The following MAP3K9 variants were observed in gnomAD, a reference collection of about 807,000 sequenced individuals.
MAP3K9 encodes mixed lineage kinase 1 (tyr and ser/thr specificity).
Under a neutral mutation model 95.8 loss-of-function variants are expected in MAP3K9, and 46 were observed. The ratio of observed to expected loss-of-function variants is 0.48; its 90% CI spans 0.38 to 0.61. The LOEUF (loss-of-function observed/expected upper bound fraction) is 0.61, where lower values mean the gene tolerates loss of function less well. Ranked by LOEUF, MAP3K9 falls within the 20% of genes least tolerant of loss-of-function variation. The pLI is 0.00. For missense variants in MAP3K9, 1,296 were observed against 1,474.3 expected (o/e 0.88, Z 1.98); for synonymous variants, 533 against 593.8 (o/e 0.90, Z 1.49).
intron 2 of MAP3K9, among the ~76,000 whole-genome samples, chr14:70,791,049 C>T (rs1489642353): frequency 6.6e-6 from 1 of 152,166 alleles, no homozygotes; most frequent in Non-Finnish European, 1.5e-5. Flanking sequence ...GTGGTCAATA[C>T]CTAGCTCTTA....
chr14:70,792,930 G>C (rs948116744), intron 2 of MAP3K9, among the ~76,000 whole-genome samples: 1 of 152,226 alleles, frequency 6.6e-6, no homozygotes, highest in African/African-American at 2.4e-5. Flanking sequence ...TCCTGACCTT[G>C]TGAACTCCAA....
intron 2 of MAP3K9, among the ~76,000 whole-genome samples, chr14:70,771,330 G>A (rs918037095): frequency 2.6e-5 from 4 of 152,044 alleles, no homozygotes; most frequent in Non-Finnish European, 4.4e-5. Flanking sequence ...TCCTACAAAG[G>A]AAACTTTTCA....
chr14:70,766,272 A>T (rs2054454344), intron 2 of MAP3K9, among the ~76,000 whole-genome samples: 1 of 152,216 alleles, frequency 6.6e-6, no homozygotes, highest in South Asian at 2.1e-4. Context: ...GTGACCCTGG[A>T]CAAATCTCTT....
intron 1 of MAP3K9, among the ~76,000 whole-genome samples, chr14:70,803,414 A>G (rs1164859805): frequency 6.7e-6 from 1 of 149,036 alleles, no homozygotes; most frequent in Admixed American, 6.7e-5. Context: ...ATCACACTTC[A>G]CTGAAAAAAA....
chr14:70,792,132 C>T (rs946791135), intron 2 of MAP3K9, among the ~76,000 whole-genome samples: 2 of 152,232 alleles, frequency 1.3e-5, no homozygotes, highest in Non-Finnish European at 2.9e-5. Context: ...GAACATATCT[C>T]TGTATTCATA....
chr14:70,733,634 T>A, intron 10 of MAP3K9: 1 of 681,516 alleles, frequency 1.5e-6, no homozygotes, highest in Admixed American at 2.2e-5. Flanking sequence ...GACTTGGGTA[T>A]CCACTTGACT....
intron 3 of MAP3K9, among the ~76,000 whole-genome samples, chr14:70,751,833 G>C (rs1245371753): frequency 6.6e-6 from 1 of 152,150 alleles, no homozygotes; most frequent in Non-Finnish European, 1.5e-5. Context: ...AATTCTGATA[G>C]GTATTATCAA....
chr14:70,725,533 G>A lies in MAP3K9; in HGVS notation c.*4847C>T, dbSNP rs2053809080. ...TGCCTTCCAACACCAGCACCTGAGT[G>A]GTGAGCACCCACCCAGGTAGCAATG... On this transcript the variant is annotated 3_prime_UTR_variant, in exon 12 of 12. Coordinates refer to ENST00000554752, the MANE Select transcript of MAP3K9 (RefSeq NM_001284230.2). The A allele has an allele frequency of 6.6e-6, 1 of 152,182 alleles. No individual in the cohort carries two copies. Among genetic ancestry groups the A allele is most frequent in the South Asian group, 2.1e-4 (1 of 4,824 alleles). 9.4% of individuals were successfully genotyped at this position (152,182 alleles called of 1,614,324 possible). A position where few individuals can be genotyped will look rare whatever the true frequency, so the allele number is the denominator to read the frequency against.
At chr14:70,740,840 T>C (rs1349399988) in intron 6 of MAP3K9, among the ~76,000 whole-genome samples, 1 of 152,252 alleles carries the variant, frequency 6.6e-6, no homozygotes, top group Non-Finnish European at 1.5e-5. Context: ...GTGGGAACTA[T>C]AGCTTTTCTA....
Position 70,726,952 on chromosome 14 carries a change from C to T in MAP3K9, c.*3428G>A, listed in dbSNP as rs1379213341. 1 of 152,232 alleles carries T rather than the reference C, an allele frequency of 6.6e-6. No homozygotes were observed. Among genetic ancestry groups the T allele is most frequent in the Non-Finnish European group, 1.5e-5 (1 of 68,062 alleles). The allele number at this position is 152,232 out of a possible 1,614,324, so 9.4% of individuals were successfully genotyped here. A position where few individuals can be genotyped will look rare whatever the true frequency, so the allele number is the denominator to read the frequency against. ...GGGGCTAAAGAGACAAGCCTATGGC[C>T]ACACAGCAAAAGCAGAATGGGGAAT... On this transcript the variant is annotated 3_prime_UTR_variant, in exon 12 of 12. Transcript: ENST00000554752.
Position 70,800,730 on chromosome 14 carries a change from T to C in MAP3K9, c.757A>G (p.Met253Val). ...VNWAVQIARGMNYLHDEAIVP... is the reference protein window; with the variant it reads ...VNWAVQIARGVNYLHDEAIVP... ...ATTGCCTCATCATGTAAGTAGTTCA[T>C]CCCTCTGGCAATCTGCACAGCCCAA... Residue 253 changes from methionine to valine, a missense_variant, in exon 2 of 12, where the codon ATG (methionine) becomes GTG (valine). Physicochemically the swap from Met to Val is conservative, Grantham distance 21. Transcript: ENST00000554752. The C allele has an allele frequency of 1.2e-6, 2 of 1,614,098 alleles. No individual in the cohort carries two copies. Among genetic ancestry groups the C allele is most frequent in the Non-Finnish European group, 8.5e-7 (1 of 1,180,014 alleles).
chr14:70,733,795 A>G (rs2053947483), intron 10 of MAP3K9: 1 of 718,328 alleles, frequency 1.4e-6, no homozygotes, highest in African/African-American at 1.7e-5. Context: ...GGCTGCCAGC[A>G]AGGCTAGAAC....
In MAP3K9 at chr14:70,789,608, T is replaced by C. The variant is rs187381589; in HGVS notation, c.820+11059A>G. 7.5e-4 allele frequency among the ~76,000 whole-genome samples: 115 copies of C among 152,318 alleles called. 2 individuals are homozygous for C. The East Asian group carries it at 0.019, about 25-fold the overall frequency. On this transcript the variant is annotated intron_variant, in intron 2 of 11. Coordinates refer to ENST00000554752, the MANE Select transcript of MAP3K9 (RefSeq NM_001284230.2). ...TGGCCACGTGCCCAATGTCAAGTGCTCAAGAAGTAGCTTAAATCCAAGTCT... is the reference window on the plus strand; with the variant it reads ...TGGCCACGTGCCCAATGTCAAGTGCCCAAGAAGTAGCTTAAATCCAAGTCT...
intron 3 of MAP3K9, among the ~76,000 whole-genome samples, chr14:70,758,766 T>A (rs1270996864): frequency 2.6e-5 from 4 of 151,806 alleles, no homozygotes; most frequent in African/African-American, 9.7e-5. Context: ...CATGGATGAA[T>A]CTTTTTTTTT....
chr14:70,806,723 C>T lies in MAP3K9; in HGVS notation c.406+2043G>A, dbSNP rs1455909295. ...CTCTTGACTGCTCTAGCAGCCAGAG[C>T]ACAAGATATTGAAGAAACCGAGTTC... On this transcript the variant is annotated intron_variant, in intron 1 of 11. Transcript: ENST00000554752. Among the ~76,000 whole-genome samples the T allele has an allele frequency of 5.3e-5, 8 of 152,200 alleles. No homozygotes were observed. The East Asian group carries it at 1.5e-3, about 29-fold the overall frequency.
intron 2 of MAP3K9, among the ~76,000 whole-genome samples, chr14:70,763,566 T>C (rs1219601663): frequency 1.3e-5 from 2 of 152,004 alleles, no homozygotes; most frequent in African/African-American, 2.4e-5. Flanking sequence ...GGTCTCACTC[T>C]GTCATTCAGG....
In MAP3K9 at chr14:70,735,945, T is replaced by C. The variant is rs2053980187; in HGVS notation, c.1913+16A>G. The C allele has an allele frequency of 1.3e-6, 2 of 1,589,830 alleles. No homozygotes were observed. ...GTTACCAGGACAGCTGGTGAAAGGG[T>C]GAAGATGAGACTCACCCCAAGTGGA... On this transcript the variant is annotated intron_variant, in intron 9 of 11. Coordinates refer to ENST00000554752, the MANE Select transcript of MAP3K9 (RefSeq NM_001284230.2).
chr14:70,800,702 A>C lies in MAP3K9; in HGVS notation c.785T>G (p.Val262Gly). 6.2e-7 allele frequency: 1 copy of C among 1,614,060 alleles called. No individual in the cohort carries two copies. The highest frequency in any genetic ancestry group is 8.5e-7 in the Non-Finnish European group (1 of 1,179,968). ...GMNYLHDEAIVPIIHRDLKSS... is the reference protein window; with the variant it reads ...GMNYLHDEAIGPIIHRDLKSS... ...CTTAAGGTCGCGGTGGATGATGGGA[A>C]CAATTGCCTCATCATGTAAGTAGTT... The change falls in exon 2 of 12, where the codon GTT becomes GGT. Residue 262 changes from valine to glycine, a missense_variant. This residue lies in a region of MAP3K9 where 338 missense variants were observed against 363.4 expected (regional missense o/e 0.93). Transcript: ENST00000554752.
intron 2 of MAP3K9, among the ~76,000 whole-genome samples, chr14:70,794,990 C>CTTTTTTTTTTTTTTTTTTTTTTTTTT (rs572010694): frequency 6.5e-5 from 5 of 76,818 alleles, no homozygotes; most frequent in Non-Finnish European, 9.4e-5. Context: ...TTTTCTTTTC[C>CTTTTTTTTTTTTTTTTTTTTTTTTTT]TTTTTTTTTT....
Sources: gnomAD v4.1 joint callset for allele counts (sites outside exome capture counted in the v4.1 genomes callset) on GRCh38, gnomAD v4.1.1 for gene constraint, gnomAD v4.1.1 regional missense constraint, MANE v1.5 for transcripts, NCBI Gene and HGNC (gene_info 2026-07-23, HGNC 2026-07-21) for gene names.